Variants in DLGAP2 observed in about 807,000 individuals in gnomAD.
The protein encoded by DLGAP2 is disks large-associated protein 2.
A neutral mutation model predicts 100.3 loss-of-function variants in DLGAP2; 26 were observed. The observed-to-expected ratio is 0.26, with a 90% CI of 0.19 to 0.36. DLGAP2 has a LOEUF of 0.36. DLGAP2 is among the 10% of genes least tolerant of loss of function. The pLI, the probability that DLGAP2 is intolerant of heterozygous loss-of-function variation, is 1.00. For missense variants in DLGAP2, 1,858 were observed against 1,453.2 expected, an observed-to-expected ratio of 1.28 and a Z score of -4.53; for synonymous variants, 886 against 630.1, an observed-to-expected ratio of 1.41 and a Z score of -6.08.
intron 3 of DLGAP2, among the ~76,000 whole-genome samples, chr8:1,346,112 G>C (rs1801548615): frequency 6.6e-6 from 1 of 152,098 alleles, no homozygotes; most frequent in South Asian, 2.1e-4. Flanking sequence ...CCCTTATGGT[G>C]TCTGTGTGGA....
At chr8:1,536,071 A>G (rs1407197023) in intron 4 of DLGAP2, among the ~76,000 whole-genome samples, 1 of 152,118 alleles carries the variant, frequency 6.6e-6, no homozygotes, top group Non-Finnish European at 1.5e-5. Context: ...AAGGAATTAA[A>G]CCGTTTGTGA....
At chr8:1,291,774 G>C (rs1253449945) in intron 3 of DLGAP2, among the ~76,000 whole-genome samples, 1 of 152,096 alleles carries the variant, frequency 6.6e-6, no homozygotes, top group African/African-American at 2.4e-5. Context: ...TGAGCCCCCG[G>C]GGGCCAGTTT....
intron 1 of DLGAP2, among the ~76,000 whole-genome samples, chr8:906,906 T>C (rs947823323): frequency 6.6e-6 from 1 of 152,216 alleles, no homozygotes; most frequent in Non-Finnish European, 1.5e-5. Context: ...TTGTTTTCAA[T>C]TGATTATATT....
At chr8:832,794 G>A (rs938641568) in intron 1 of DLGAP2, among the ~76,000 whole-genome samples, 5 of 152,246 alleles carry the variant, frequency 3.3e-5, no homozygotes, top group African/African-American at 1.2e-4. Context: ...GTCCCTGACA[G>A]GAGACTGTGC....
At chr8:1,041,715 A>AAAT (rs1802355371) in intron 2 of DLGAP2, among the ~76,000 whole-genome samples, 1 of 104,810 alleles carries the variant, frequency 9.5e-6, no homozygotes. Flanking sequence ...GCCGTGGGTG[A>AAAT]GTGTTCTCCG....
intron 1 of DLGAP2, among the ~76,000 whole-genome samples, chr8:841,439 A>C (rs890606758): frequency 2.0e-5 from 3 of 152,176 alleles, no homozygotes; most frequent in African/African-American, 7.2e-5. Context: ...CCAGACTTGG[A>C]ATTATCTGTT....
chr8:987,721 C>T (rs893835057), intron 2 of DLGAP2, among the ~76,000 whole-genome samples: 5 of 152,074 alleles, frequency 3.3e-5, no homozygotes, highest in African/African-American at 7.2e-5. Flanking sequence ...TAGTCCAAGC[C>T]GACGACAAGC....
chr8:1,018,512 C>G (rs1801536757), intron 2 of DLGAP2, among the ~76,000 whole-genome samples: 2 of 152,226 alleles, frequency 1.3e-5, no homozygotes, highest in Admixed American at 1.3e-4. Flanking sequence ...GACCAGCAGT[C>G]CCAGTGGCTG....
intron 2 of DLGAP2, among the ~76,000 whole-genome samples, chr8:1,224,241 G>T (rs1445331273): frequency 6.6e-6 from 1 of 152,064 alleles, no homozygotes; most frequent in Non-Finnish European, 1.5e-5. Context: ...ATTTAATGTG[G>T]GTCAGGAAGA....
At chr8:1,351,181 A>G (rs374912030) in intron 3 of DLGAP2, among the ~76,000 whole-genome samples, 2 of 18,290 alleles carry the variant, frequency 1.1e-4, no homozygotes, top group Admixed American at 8.7e-4. Context: ...GGCCGTGCAG[A>G]TCCTGAGTGT....
chr8:1,592,090 C>G (rs1584964871), intron 6 of DLGAP2, among the ~76,000 whole-genome samples: 1 of 152,134 alleles, frequency 6.6e-6, no homozygotes, highest in South Asian at 2.1e-4. Flanking sequence ...CCTTGTTGGG[C>G]CCAGACACAC....
intron 3 of DLGAP2, among the ~76,000 whole-genome samples, chr8:1,275,256 A>G (rs566278742): frequency 5.3e-5 from 8 of 152,076 alleles, no homozygotes; most frequent in East Asian, 1.9e-4. Flanking sequence ...CCCTCAGTCT[A>G]CAATTAAGTA....
At chr8:936,340 C>T (rs1244368474) in intron 2 of DLGAP2, among the ~76,000 whole-genome samples, 2 of 152,150 alleles carry the variant, frequency 1.3e-5, no homozygotes, top group East Asian at 1.9e-4. Flanking sequence ...GTGCAGGAAC[C>T]GACCAATGTG....
intron 2 of DLGAP2, among the ~76,000 whole-genome samples, chr8:1,171,373 G>C (rs1320861696): frequency 6.6e-6 from 1 of 152,140 alleles, no homozygotes; most frequent in Non-Finnish European, 1.5e-5. Context: ...ATTTGGGGTG[G>C]AGAGTTCTGT....
At chr8:1,183,966 A>G (rs1194749676) in intron 2 of DLGAP2, among the ~76,000 whole-genome samples, 1 of 152,186 alleles carries the variant, frequency 6.6e-6, no homozygotes, top group Non-Finnish European at 1.5e-5. Flanking sequence ...TATATGTAAA[A>G]ATGATATTTG....
intron 2 of DLGAP2, among the ~76,000 whole-genome samples, chr8:983,635 A>AT (rs953662925): frequency 1.3e-4 from 20 of 152,016 alleles, no homozygotes; most frequent in Non-Finnish European, 1.9e-4. Context: ...ATTTATTTTA[A>AT]TTTTTTTTAA....
chr8:844,918 C>T (rs1014155442), intron 1 of DLGAP2, among the ~76,000 whole-genome samples: 4 of 152,206 alleles, frequency 2.6e-5, no homozygotes, highest in African/African-American at 9.7e-5. Context: ...TTCGTGTAAA[C>T]AGAATCATAC....
intron 2 of DLGAP2, among the ~76,000 whole-genome samples, chr8:1,154,943 T>G (rs575931987): frequency 2.0e-5 from 3 of 152,296 alleles, no homozygotes; most frequent in Non-Finnish European, 4.4e-5. Flanking sequence ...TTACTGTTTC[T>G]CCTCACTGCA....
intron 6 of DLGAP2, among the ~76,000 whole-genome samples, chr8:1,590,258 G>T (rs749740445): frequency 7.2e-5 from 11 of 152,174 alleles, no homozygotes; most frequent in Non-Finnish European, 1.2e-4. Context: ...TGGGGGTGAG[G>T]ATCTCCATGG....
Sources: gnomAD v4.1 joint callset for allele counts (sites outside exome capture counted in the v4.1 genomes callset) on GRCh38, gnomAD v4.1.1 for gene constraint, MANE v1.5 for transcripts, NCBI Gene and HGNC (gene_info 2026-07-23, HGNC 2026-07-21) for gene names.